Variants in SLC1A6 observed in about 807,000 individuals in gnomAD.
The protein encoded by SLC1A6 is excitatory amino acid transporter 4.
In SLC1A6, 15 loss-of-function variants were observed where a neutral mutation model predicts 42.1. The observed-to-expected ratio is 0.36, with a 90% CI of 0.24 to 0.55. The LOEUF is 0.55. Among genes scored for constraint, SLC1A6 ranks in the 20% least tolerant of loss-of-function variants. The pLI is 0.88. For missense variants in SLC1A6, 542 were observed against 772.5 expected, an observed-to-expected ratio of 0.70 and a Z score of 3.54; for synonymous variants, 317 against 319.7, an observed-to-expected ratio of 0.99 and a Z score of 0.09.
chr19:14,993,044 G>A lies in SLC1A6; in HGVS notation c.6+17441C>T, dbSNP rs138279032. 7.0e-3 allele frequency among the ~76,000 whole-genome samples: 1,071 copies of A among 152,242 alleles called. 4 individuals are homozygous for A. Among genetic ancestry groups the A allele is most frequent in the African/African-American group, 0.025 (1,032 of 41,538 alleles). On this transcript the variant is annotated intron_variant, in intron 1 of 8. Coordinates refer to the SLC1A6 transcript ENST00000430939. Reference sequence around the variant, plus strand: ...GGGCCCCAGAGGGAGCAGAGGAGGTGGGAGGAGGACCAGGTCTCCCCGTCC... The same window carrying A: ...GGGCCCCAGAGGGAGCAGAGGAGGTAGGAGGAGGACCAGGTCTCCCCGTCC...
At chr19:15,002,992 GT>G (rs1283806662) in intron 1 of SLC1A6, among the ~76,000 whole-genome samples, 1 of 94,704 alleles carries the variant, frequency 1.1e-5, no homozygotes, top group Non-Finnish European at 2.5e-5. Flanking sequence ...TTGTTATTTT[GT>G]TTTTTGTAAT....
chr19:15,009,448 T>C (rs2045914270), intron 1 of SLC1A6, among the ~76,000 whole-genome samples: 2 of 152,128 alleles, frequency 1.3e-5, no homozygotes, highest in African/African-American at 4.8e-5. Context: ...AAATCTTGTC[T>C]TCTGCAGCAA....
upstream of SLC1A6, among the ~76,000 whole-genome samples, chr19:14,983,752 G>A (rs549662756): frequency 6.8e-6 from 1 of 147,868 alleles, no homozygotes; most frequent in Non-Finnish European, 1.5e-5. Context: ...AGGCTGTAAG[G>A]CTGTAAGGCT....
At position 15,005,168 on chromosome 19, in the gene SLC1A6, G is replaced by A. The variant is rs145880026; in HGVS notation, c.6+5317C>T. On this transcript the variant is annotated intron_variant, in intron 1 of 8. Coordinates refer to the SLC1A6 transcript ENST00000430939. Reference sequence around the variant, plus strand: ...CCAGCTACCCAGGAGGCTGAGGCAGGAGGATTGTTTAAGCCCAGGAGTTCA... The same window carrying A: ...CCAGCTACCCAGGAGGCTGAGGCAGAAGGATTGTTTAAGCCCAGGAGTTCA... Among the ~76,000 whole-genome samples, 584 of 151,832 alleles carry A rather than the reference G, an allele frequency of 3.8e-3. 8 individuals are homozygous for A. Among genetic ancestry groups the A allele is most frequent in the African/African-American group, 0.014 (562 of 41,374 alleles).
Position 14,979,063 on chromosome 19 carries a change from C to T in SLC1A6, c.-8+246G>A, listed in dbSNP as rs1415311941. Reference sequence around the variant, plus strand: ...TCTCTCTCTCTGTCACACACACACACACACACACACACACACACACACACA... The same window carrying T: ...TCTCTCTCTCTGTCACACACACACATACACACACACACACACACACACACA... On this transcript the variant is annotated intron_variant, in intron 1 of 9. Transcript: ENST00000594383. This position sits in a 1 kb window ranked among gnomAD's most constrained non-coding sequence, Gnocchi z 4.2. 2.8e-3 allele frequency among the ~76,000 whole-genome samples: 274 copies of T among 97,658 alleles called. 1 individual carries two copies. The highest frequency in any genetic ancestry group is 8.1e-3 in the African/African-American group (238 of 29,380). The allele number at this position is 97,658 out of a possible 152,430, so 64.1% of individuals were successfully genotyped here. A position where few individuals can be genotyped will look rare whatever the true frequency, so the allele number is the denominator to read the frequency against.
At chr19:15,010,182 TGAAAAAAAAAA>T (rs2045918737) in intron 1 of SLC1A6, among the ~76,000 whole-genome samples, 1 of 34,292 alleles carries the variant, frequency 2.9e-5, no homozygotes, top group Non-Finnish European at 6.0e-5. Flanking sequence ...CAAGACTCTA[TGAAAAAAAAAA>T]AAAAGAAAGA....
intron 1 of SLC1A6, among the ~76,000 whole-genome samples, chr19:14,995,415 G>A (rs1327192725): frequency 6.6e-6 from 1 of 151,098 alleles, no homozygotes; most frequent in Non-Finnish European, 1.5e-5. Context: ...GTAGAACAGT[G>A]GTTACCATAC....
chr19:14,995,589 G>A (rs1007469685), intron 1 of SLC1A6, among the ~76,000 whole-genome samples: 9 of 152,060 alleles, frequency 5.9e-5, no homozygotes, highest in Non-Finnish European at 1.2e-4. Context: ...ATAACTATAT[G>A]AGGGAATGCA....
intron 1 of SLC1A6, among the ~76,000 whole-genome samples, chr19:15,007,046 C>G (rs999934177): frequency 6.6e-6 from 1 of 152,162 alleles, no homozygotes; most frequent in Non-Finnish European, 1.5e-5. Flanking sequence ...CCATGAGCCA[C>G]TATCTGTGCT....
At position 14,959,851 on chromosome 19, in the gene SLC1A6, G is replaced by A. The variant is rs978744621; in HGVS notation, c.935+2151C>T. Among the ~76,000 whole-genome samples, 3 of 152,216 alleles carry A rather than the reference G, an allele frequency of 2.0e-5. No homozygotes were observed. The South Asian group carries it at 6.2e-4, about 32-fold the overall frequency. On this transcript the variant is annotated intron_variant, in intron 6 of 9. Transcript: ENST00000594383. ...TTCTTCATGACTCCCTCTTCAGGAAGCATTCACTGCGTACCCCTCTACTCA... is the reference window on the plus strand; with the variant it reads ...TTCTTCATGACTCCCTCTTCAGGAAACATTCACTGCGTACCCCTCTACTCA...
chr19:14,951,078 CAAAAAAAAA>C (rs59828742), intron 9 of SLC1A6, among the ~76,000 whole-genome samples: 5 of 79,784 alleles, frequency 6.3e-5, no homozygotes, highest in South Asian at 1.0e-3. Flanking sequence ...ACTAAAAATA[CAAAAAAAAA>C]AAAAAAAAAA....
At chr19:14,961,229 CAA>C (rs2145178046) in intron 6 of SLC1A6, 1 of 152,004 alleles carries the variant, frequency 6.6e-6, no homozygotes, top group Non-Finnish European at 1.5e-5. Flanking sequence ...GTTCTCACCA[CAA>C]AAAAATAAGC....
At chr19:14,987,773 C>T (rs890486710) in intron 1 of SLC1A6, among the ~76,000 whole-genome samples, 11 of 152,304 alleles carry the variant, frequency 7.2e-5, no homozygotes, top group African/African-American at 2.4e-4. Context: ...CAGACTCAAA[C>T]CATGCCCAGC....
chr19:14,958,645 G>A (rs1409088147), intron 6 of SLC1A6, among the ~76,000 whole-genome samples: 1 of 152,058 alleles, frequency 6.6e-6, no homozygotes, highest in Non-Finnish European at 1.5e-5. Context: ...CTTACTCTGA[G>A]TAATCCCTCT....
At chr19:14,971,924 C>G in intron 2 of SLC1A6, 50 bp from the exon 3 acceptor site, 1 of 1,602,396 alleles carries the variant, frequency 6.2e-7, no homozygotes. Context: ...TCGCTCAGCC[C>G]CAGGCAGGGT....
chr19:15,008,635 T>C (rs1450884218), intron 1 of SLC1A6, among the ~76,000 whole-genome samples: 1 of 152,150 alleles, frequency 6.6e-6, no homozygotes, highest in African/African-American at 2.4e-5. Flanking sequence ...CTATTCACTA[T>C]AGCAAAGTTA....
rs564331480 is a variant in SLC1A6 at position 15,009,022 on chromosome 19, A to ATATACAT, written c.6+1456_6+1462dup. ...AAATATATAAACATATATATATAAA[A>ATATACAT]TATACATATATGCTATCTACACAGA... On this transcript the variant is annotated intron_variant, in intron 1 of 8. Coordinates refer to the SLC1A6 transcript ENST00000430939. Among the ~76,000 whole-genome samples, 545 of 150,826 alleles carry ATATACAT rather than the reference A, an allele frequency of 3.6e-3. 3 individuals carry two copies. Among genetic ancestry groups the ATATACAT allele is most frequent in the Non-Finnish European group, 6.6e-3 (450 of 67,780 alleles).
intron 3 of SLC1A6, among the ~76,000 whole-genome samples, chr19:14,971,194 C>T (rs186969310): frequency 1.3e-5 from 2 of 152,226 alleles, no homozygotes; most frequent in East Asian, 3.9e-4. Flanking sequence ...GCCCCTAACA[C>T]CCAAATTGTT....
chr19:14,952,312 G>A (rs2045420941), intron 9 of SLC1A6, among the ~76,000 whole-genome samples: 1 of 150,530 alleles, frequency 6.6e-6, no homozygotes, highest in Non-Finnish European at 1.5e-5. Flanking sequence ...ACTTTGGGAG[G>A]CTGAGGCAGG....
Sources: allele counts gnomAD v4.1 joint callset (sites outside exome capture counted in the v4.1 genomes callset), GRCh38; gene constraint gnomAD v4.1.1; non-coding constraint Gnocchi (gnomAD v3.1); transcripts MANE v1.5; gene names NCBI Gene and HGNC (gene_info 2026-07-23, HGNC 2026-07-21).